SLC41A1: variants seen among roughly 807,000 people sequenced by gnomAD.
SLC41A1 encodes the protein solute carrier family 41 (magnesium transporter), member 1.
SLC41A1 carries 20 observed loss-of-function variants against 47.3 expected under a neutral mutation model. The observed-to-expected ratio is 0.42, with a 90% confidence interval of 0.30 to 0.61. The LOEUF (loss-of-function observed/expected upper bound fraction) is 0.61, where lower values mean the gene tolerates loss of function less well. Among genes scored for constraint, SLC41A1 ranks in the 20% least tolerant of loss-of-function variants. The pLI, the probability that SLC41A1 is intolerant of heterozygous loss-of-function variation, is 0.17. For synonymous variants in SLC41A1, 282 were observed against 272.7 expected (o/e 1.03, Z -0.34); for missense variants, 504 against 674.1 (o/e 0.75, Z 2.79).
chr1:205,811,323 C>T (rs1007692165), intron 1 of SLC41A1, among the ~76,000 whole-genome samples: 16 of 152,132 alleles, frequency 1.1e-4, no homozygotes, highest in Non-Finnish European at 1.9e-4. Context: ...GGATCACCAC[C>T]GTGGTCACCA....
At chr1:205,807,050 T>C (rs767664247) in intron 2 of SLC41A1, among the ~76,000 whole-genome samples, 1 of 152,056 alleles carries the variant, frequency 6.6e-6, no homozygotes, top group Non-Finnish European at 1.5e-5. Flanking sequence ...GATGGCCCCA[T>C]GGTCTTGGGG....
Position 205,810,602 on chromosome 1 carries a change from C to G in SLC41A1, c.-161G>C, listed in dbSNP as rs1656128321. Reference sequence around the variant, plus strand: ...CCACTCCTACCAGGCACTGCAAAAACTGATCCACCAACAGGCAGCCCCATC... The same window carrying G: ...CCACTCCTACCAGGCACTGCAAAAAGTGATCCACCAACAGGCAGCCCCATC... On this transcript the variant is annotated 5_prime_UTR_variant, in exon 2 of 11. Coordinates refer to ENST00000367137, the MANE Select transcript of SLC41A1 (RefSeq NM_173854.6). This position sits in a 1 kb window ranked among gnomAD's most constrained non-coding sequence, Gnocchi z 5.5. 1.9e-6 allele frequency: 2 copies of G among 1,062,820 alleles called. No homozygotes were observed. The highest frequency in any genetic ancestry group is 2.6e-4 in the Middle Eastern group (1 of 3,820). The allele number at this position is 1,062,820 out of a possible 1,614,324, so 65.8% of individuals were successfully genotyped here.
rs185047027 is a variant in SLC41A1, at chr1:205,809,819, G to A, written c.372+251C>T. 3.9e-5 allele frequency among the ~76,000 whole-genome samples: 6 copies of A among 152,254 alleles called. No individual in the cohort carries two copies. The East Asian group carries it at 9.7e-4, about 25-fold the overall frequency. On this transcript the variant is annotated intron_variant, in intron 2 of 10. Transcript: ENST00000367137. ...TCCATCTCTCCTCTCCCAAGCCTGA[G>A]CTCGGGAGCCAATTCTGTTTCTATT...
chr1:205,799,358 G>C (rs1655818667), intron 4 of SLC41A1, among the ~76,000 whole-genome samples: 1 of 152,136 alleles, frequency 6.6e-6, no homozygotes, highest in African/African-American at 2.4e-5. Context: ...GGGGATGGGA[G>C]TGAGGTTCAA....
intron 7 of SLC41A1, 141 bp downstream of exon 7, chr1:205,797,763 T>A: frequency 1.7e-6 from 2 of 1,173,750 alleles, no homozygotes; most frequent in Admixed American, 1.7e-5. Context: ...TTCTGTCATT[T>A]TCAACAGAAG....
At chr1:205,800,530 C>T (rs1655854762) in intron 3 of SLC41A1, among the ~76,000 whole-genome samples, 1 of 152,078 alleles carries the variant, frequency 6.6e-6, no homozygotes, top group Non-Finnish European at 1.5e-5. Flanking sequence ...AATGGGATGG[C>T]CGGGGGGCTG....
At chr1:205,801,333 C>T (rs1340770870) in intron 2 of SLC41A1, 1 of 415,896 alleles carries the variant, frequency 2.4e-6, no homozygotes, top group Non-Finnish European at 4.5e-6. Flanking sequence ...TTTCTGTTTT[C>T]CTGGAGGTGG....
At chr1:205,800,453 T>C (rs1157789472) in intron 3 of SLC41A1, among the ~76,000 whole-genome samples, 2 of 151,538 alleles carry the variant, frequency 1.3e-5, no homozygotes, top group East Asian at 3.9e-4. Context: ...CTGTGGGAGG[T>C]AGGAATGACG....
chr1:205,801,004 C>T lies in SLC41A1; in HGVS notation c.429G>A (p.Leu143=). ...TEVFILVPAL[L]GLKGNLEMTL... ...TCATTTCCAGGTTCCCTTTGAGCCCCAGCAGCGCAGGCACTAGGATGAAGA... is the reference window on the plus strand; with the variant it reads ...TCATTTCCAGGTTCCCTTTGAGCCCTAGCAGCGCAGGCACTAGGATGAAGA... The change falls in exon 3 of 11, where the codon CTG becomes CTA. Residue 143 remains leucine (L), a synonymous_variant. Coordinates refer to ENST00000367137, the MANE Select transcript of SLC41A1 (RefSeq NM_173854.6). 1.9e-6 allele frequency: 3 copies of T among 1,614,200 alleles called. No individual in the cohort carries two copies. The highest frequency in any genetic ancestry group is 2.5e-6 in the Non-Finnish European group (3 of 1,180,032).
Position 205,791,743 on chromosome 1 carries a change from T to C in SLC41A1, c.1357-25A>G. Reference sequence around the variant, plus strand: ...CCTGGGGAGACAAAAGGGCCCAGCCTATAGCCATCCTCTCTCTCCAGGGGG... The same window carrying C: ...CCTGGGGAGACAAAAGGGCCCAGCCCATAGCCATCCTCTCTCTCCAGGGGG... On this transcript the variant is annotated intron_variant, in intron 10 of 10. Transcript: ENST00000367137. This position sits in a 1 kb window ranked among gnomAD's most constrained non-coding sequence, Gnocchi z 4.0. 1 of 1,611,370 alleles carries C rather than the reference T, an allele frequency of 6.2e-7. No individual in the cohort carries two copies. Among genetic ancestry groups the C allele is most frequent in the East Asian group, 2.2e-5 (1 of 44,816 alleles).
At chr1:205,809,901 T>G (rs548961900) in intron 2 of SLC41A1, among the ~76,000 whole-genome samples, 169 bp downstream of exon 2, 1 of 152,180 alleles carries the variant, frequency 6.6e-6, no homozygotes, top group African/African-American at 2.4e-5. Flanking sequence ...GAGGCTTCTG[T>G]AGAAAGGAAC....
chr1:205,801,924 G>C (rs561770710), intron 2 of SLC41A1, among the ~76,000 whole-genome samples: 1 of 152,260 alleles, frequency 6.6e-6, no homozygotes, highest in East Asian at 1.9e-4. Context: ...TTCTCATTTT[G>C]TGAATGAGTA....
chr1:205,790,259 A>C lies in SLC41A1; in HGVS notation c.*1274T>G, dbSNP rs970545751. On this transcript the variant is annotated 3_prime_UTR_variant, in exon 11 of 11. Coordinates refer to ENST00000367137, the MANE Select transcript of SLC41A1 (RefSeq NM_173854.6). ...TTCAAAGGGGCACATGGCCTTTGTAACCTGGAGAATGAGGTGAGGTTAGAG... is the reference window on the plus strand; with the variant it reads ...TTCAAAGGGGCACATGGCCTTTGTACCCTGGAGAATGAGGTGAGGTTAGAG... 2 of 152,216 alleles carry C rather than the reference A, an allele frequency of 1.3e-5. No homozygotes were observed. The highest frequency in any genetic ancestry group is 2.9e-5 in the Non-Finnish European group (2 of 68,038). 9.4% of individuals were successfully genotyped at this position (152,216 alleles called of 1,614,324 possible).
At chr1:205,797,294 T>C (rs1655771679) in intron 7 of SLC41A1, among the ~76,000 whole-genome samples, 1 of 152,222 alleles carries the variant, frequency 6.6e-6, no homozygotes, top group Non-Finnish European at 1.5e-5. Context: ...ACTATCTGCC[T>C]CTGAGGACCT....
Position 205,791,379 on chromosome 1 carries a change from T to C in SLC41A1, c.*154A>G, listed in dbSNP as rs1655622774. 4.2e-6 allele frequency: 4 copies of C among 952,828 alleles called. No individual in the cohort carries two copies. The highest frequency in any genetic ancestry group is 4.9e-6 in the Non-Finnish European group (3 of 612,866). The allele number at this position is 952,828 out of a possible 1,614,324, so 59.0% of individuals were successfully genotyped here. The stretch of plus-strand genomic sequence containing the variant: ...TTCTTGCTATACAAACTTGGCTCAA[T>C]GTATAAAAATTCCCATTGAAAATAA... On this transcript the variant is annotated 3_prime_UTR_variant, in exon 11 of 11. Coordinates refer to ENST00000367137, the MANE Select transcript of SLC41A1 (RefSeq NM_173854.6). This position sits in a 1 kb window ranked among gnomAD's most constrained non-coding sequence, Gnocchi z 4.0.
At chr1:205,794,609 AC>A (rs369920316) in intron 10 of SLC41A1, among the ~76,000 whole-genome samples, 137 of 151,394 alleles carry the variant, frequency 9.0e-4, no homozygotes, top group African/African-American at 3.1e-3. Context: ...GAAAACTACC[AC>A]CCCTGGTCCA....
Position 205,799,576 on chromosome 1 carries a change from G to C in SLC41A1, c.552+183C>G, listed in dbSNP as rs1005975737. On this transcript the variant is annotated intron_variant, in intron 4 of 10. Coordinates refer to ENST00000367137, the MANE Select transcript of SLC41A1 (RefSeq NM_173854.6). ...TGAGAACCAGAATGGGTGATGCTGG[G>C]CCCTCCTCATCTTGGGCGTTTTCCT... Among the ~76,000 whole-genome samples the C allele has an allele frequency of 4.6e-5, 7 of 152,222 alleles. No individual in the cohort carries two copies. The East Asian group carries it at 1.2e-3, about 25-fold the overall frequency.
intron 10 of SLC41A1, among the ~76,000 whole-genome samples, chr1:205,793,845 A>G (rs1558078326): frequency 6.6e-6 from 1 of 152,254 alleles, no homozygotes; most frequent in Non-Finnish European, 1.5e-5. Context: ...TGAAGGACAC[A>G]CAAGAAAGGG....
chr1:205,796,527 G>C, intron 8 of SLC41A1: 1 of 255,328 alleles, frequency 3.9e-6, no homozygotes, highest in Non-Finnish European at 7.7e-6. Context: ...TGGATGTTTG[G>C]ATGCAGCATG....
Sources: gnomAD v4.1 joint callset for allele counts (sites outside exome capture counted in the v4.1 genomes callset) on GRCh38, gnomAD v4.1.1 for gene constraint, Gnocchi (gnomAD v3.1) non-coding constraint, MANE v1.5 for transcripts, NCBI Gene and HGNC (gene_info 2026-07-23, HGNC 2026-07-21) for gene names.